The following SOBP variants were observed in gnomAD, a reference collection of about 807,000 sequenced individuals.
SOBP encodes the protein sine oculis-binding protein homolog.
A neutral mutation model predicts 53.6 loss-of-function variants in SOBP; 4 were observed. That is an observed-to-expected ratio of 0.07 (90% CI 0.04 to 0.17). SOBP has a LOEUF of 0.17. Among genes scored for constraint, SOBP ranks in the 10% least tolerant of loss-of-function variants. The probability of loss-of-function intolerance (pLI) is 1.00; values close to 1 mark genes in which losing one functional copy is unlikely to be tolerated. For missense variants in SOBP, 1,088 were observed against 1,204.7 expected (o/e 0.90, Z 1.43); for synonymous variants, 584 against 522.6 (o/e 1.12, Z -1.60).
chr6:107,619,068 C>T (rs905455430), intron 5 of SOBP, among the ~76,000 whole-genome samples: 2 of 152,110 alleles, frequency 1.3e-5, no homozygotes, highest in African/African-American at 2.4e-5. Context: ...TGTTAACATG[C>T]GGAGGGGCCC....
intron 5 of SOBP, among the ~76,000 whole-genome samples, chr6:107,621,928 G>A (rs1405203752): frequency 3.9e-5 from 6 of 152,180 alleles, no homozygotes; most frequent in African/African-American, 1.4e-4. Context: ...TTTTTGCAGT[G>A]TGCTTTTTAC....
At chr6:107,646,353 A>C (rs1232798437) in intron 6 of SOBP, among the ~76,000 whole-genome samples, 1 of 152,242 alleles carries the variant, frequency 6.6e-6, no homozygotes, top group Non-Finnish European at 1.5e-5. Context: ...CAGGATCTAA[A>C]GAAGGAAGAT....
chr6:107,616,053 A>G (rs1207847395), intron 5 of SOBP, among the ~76,000 whole-genome samples: 1 of 108,794 alleles, frequency 9.2e-6, no homozygotes, highest in Non-Finnish European at 1.7e-5. Context: ...AAAAGAAAAA[A>G]AAAGGATGCC....
intron 5 of SOBP, among the ~76,000 whole-genome samples, chr6:107,630,162 GT>G (rs1227041610): frequency 6.6e-6 from 1 of 152,218 alleles, no homozygotes; most frequent in Non-Finnish European, 1.5e-5. Flanking sequence ...CCAGAGCTCA[GT>G]GCGTAAATCC....
chr6:107,606,070 CTTTTTTTTTTTTTTTT>C (rs11298151), intron 5 of SOBP, among the ~76,000 whole-genome samples: 7 of 62,858 alleles, frequency 1.1e-4, no homozygotes, highest in Non-Finnish European at 1.6e-4. Flanking sequence ...AGATAGGCTC[CTTTTTTTTTTTTTTTT>C]TTTTTTTTGA....
intron 4 of SOBP, among the ~76,000 whole-genome samples, chr6:107,542,332 A>G (rs1048016103): frequency 1.3e-5 from 2 of 152,174 alleles, no homozygotes; most frequent in African/African-American, 4.8e-5. Flanking sequence ...AGTGAGAAAC[A>G]GAGGTCCTCA....
chr6:107,520,346 T>C (rs999971633), intron 3 of SOBP, among the ~76,000 whole-genome samples: 3 of 152,184 alleles, frequency 2.0e-5, no homozygotes, highest in African/African-American at 7.2e-5. Context: ...TATCATCTAA[T>C]TAAATTTTCT....
intron 4 of SOBP, among the ~76,000 whole-genome samples, chr6:107,545,344 T>C (rs1223370851): frequency 6.6e-6 from 1 of 152,168 alleles, no homozygotes; most frequent in East Asian, 1.9e-4. Flanking sequence ...GACAGAGAAC[T>C]GCTGATTGAC....
chr6:107,623,458 A>G (rs1466040677), intron 5 of SOBP, among the ~76,000 whole-genome samples: 1 of 152,160 alleles, frequency 6.6e-6, no homozygotes. Flanking sequence ...CGTAAAGAGA[A>G]TGTTCTCTAC....
chr6:107,534,904 G>A (rs1405248209), intron 4 of SOBP, among the ~76,000 whole-genome samples: 2 of 152,128 alleles, frequency 1.3e-5, no homozygotes, highest in Non-Finnish European at 2.9e-5. Flanking sequence ...AATATAGGGG[G>A]ATTAAAATGA....
At chr6:107,565,961 T>C (rs1784905731) in intron 4 of SOBP, among the ~76,000 whole-genome samples, 1 of 152,240 alleles carries the variant, frequency 6.6e-6, no homozygotes, top group Non-Finnish European at 1.5e-5. Context: ...GCTCAGTTTG[T>C]GTCAGCTTAT....
chr6:107,521,774 C>A (rs917880154), intron 3 of SOBP, among the ~76,000 whole-genome samples: 3 of 152,244 alleles, frequency 2.0e-5, no homozygotes, highest in South Asian at 4.1e-4. Context: ...ATCCAACACC[C>A]AAGGTGCACC....
chr6:107,582,866 A>G (rs1019774131), intron 4 of SOBP, among the ~76,000 whole-genome samples: 2 of 152,208 alleles, frequency 1.3e-5, no homozygotes, highest in African/African-American at 4.8e-5. Flanking sequence ...CACTCTCAAG[A>G]GGCAATTAGA....
At chr6:107,546,127 A>G (rs571099939) in intron 4 of SOBP, among the ~76,000 whole-genome samples, 1 of 152,354 alleles carries the variant, frequency 6.6e-6, no homozygotes, top group Admixed American at 6.5e-5. Flanking sequence ...GGGCACACAG[A>G]TGACATTTCG....
intron 4 of SOBP, among the ~76,000 whole-genome samples, chr6:107,572,521 C>T (rs1419180458): frequency 1.3e-5 from 2 of 152,122 alleles, no homozygotes; most frequent in East Asian, 3.9e-4. Flanking sequence ...CCAGGATGTT[C>T]TCAAACTCCT....
intron 3 of SOBP, among the ~76,000 whole-genome samples, chr6:107,529,157 A>G (rs1371853365): frequency 6.6e-6 from 1 of 152,210 alleles, no homozygotes; most frequent in Admixed American, 6.5e-5. Flanking sequence ...CTCTGTAGAA[A>G]CTTTAAGTTA....
chr6:107,655,913 A>G (rs1331977599), intron 6 of SOBP, among the ~76,000 whole-genome samples: 1 of 152,208 alleles, frequency 6.6e-6, no homozygotes, highest in Non-Finnish European at 1.5e-5. Flanking sequence ...CTACATTATT[A>G]AAAAAGCAGT....
intron 4 of SOBP, among the ~76,000 whole-genome samples, chr6:107,545,034 A>G (rs1327455897): frequency 2.6e-5 from 4 of 152,240 alleles, no homozygotes; most frequent in African/African-American, 9.6e-5. Context: ...TAAGAGCTTA[A>G]GTGTTCTTAA....
chr6:107,566,111 C>G (rs1784909962), intron 4 of SOBP, among the ~76,000 whole-genome samples: 1 of 152,214 alleles, frequency 6.6e-6, no homozygotes, highest in South Asian at 2.1e-4. Context: ...AAAATAAAAT[C>G]TACTCTGACT....
Sources: allele counts gnomAD v4.1 joint callset (sites outside exome capture counted in the v4.1 genomes callset), GRCh38; gene constraint gnomAD v4.1.1; transcripts MANE v1.5; gene names NCBI Gene and HGNC (gene_info 2026-07-23, HGNC 2026-07-21).